Variants in TENM1 observed in about 807,000 individuals in gnomAD.
The protein encoded by TENM1 is teneurin-1.
In TENM1, 35 loss-of-function variants were observed where a neutral mutation model predicts 174.8. That is an observed-to-expected ratio of 0.20 (90% CI 0.15 to 0.27). The LOEUF (loss-of-function observed/expected upper bound fraction) is 0.27. TENM1 is among the 10% of genes least tolerant of loss of function. TENM1 has a pLI of 1.00. For missense variants in TENM1, 1,633 were observed against 2,130.1 expected, an observed-to-expected ratio of 0.77 and a Z score of 4.59; for synonymous variants, 781 against 798.7, an observed-to-expected ratio of 0.98 and a Z score of 0.37.
chrX:125,066,490 G>C, the TENM1 span, among the ~76,000 whole-genome samples: 1 of 111,242 alleles, frequency 9.0e-6, no homozygotes, highest in Non-Finnish European at 1.9e-5. Flanking sequence ...TGCAGTATTG[G>C]AAAGATCACT....
At chrX:124,798,860 T>G (rs1444996050) in intron 3 of TENM1, among the ~76,000 whole-genome samples, 2 of 112,172 alleles carry the variant, frequency 1.8e-5, no homozygotes, top group African/African-American at 6.5e-5. Flanking sequence ...TGAATTAATT[T>G]TTGTATAAGG....
chrX:124,758,427 C>T (rs1487937212), intron 3 of TENM1, among the ~76,000 whole-genome samples: 1 of 110,980 alleles, frequency 9.0e-6, no homozygotes, highest in Admixed American at 9.6e-5. Flanking sequence ...AATCTTTGTG[C>T]ACTGTCGGTG....
chrX:124,998,499 A>G, the TENM1 span, among the ~76,000 whole-genome samples: 1 of 110,765 alleles, frequency 9.0e-6, no homozygotes, highest in Non-Finnish European at 1.9e-5. Context: ...AACAATGATA[A>G]TAGTATTAAC....
rs372360122 is a variant in TENM1 at position 124,540,610 on chromosome X, A to G, written c.2651+6264T>C. 4.5e-5 allele frequency among the ~76,000 whole-genome samples: 5 copies of G among 111,749 alleles called. No individual in the cohort carries two copies. In the East Asian group the frequency reaches 1.1e-3, roughly 25 times the overall value. ...CCCAGCTCAACTGAGGGCAGAACGC[A>G]TGTTACATTAAACAAGTTATGATGA... On this transcript the variant is annotated intron_variant, in intron 15 of 31. Transcript: ENST00000422452.
intron 3 of TENM1, among the ~76,000 whole-genome samples, chrX:124,780,695 C>T (rs992220214): frequency 1.8e-5 from 2 of 111,287 alleles, no homozygotes; most frequent in Admixed American, 9.6e-5. Flanking sequence ...TAGATACACT[C>T]GCCAGGACTA....
intron 14 of TENM1, among the ~76,000 whole-genome samples, chrX:124,556,027 T>C (rs1338421812): frequency 8.9e-6 from 1 of 112,108 alleles, no homozygotes; most frequent in Non-Finnish European, 1.9e-5. Flanking sequence ...TTTAAATAAA[T>C]GGGATGAAGA....
At chrX:124,698,540 C>T (rs1317178437) in intron 5 of TENM1, among the ~76,000 whole-genome samples, 1 of 111,053 alleles carries the variant, frequency 9.0e-6, no homozygotes, top group African/African-American at 3.3e-5. Flanking sequence ...TTTACAAACC[C>T]ATCGTCCTGC....
chrX:124,504,569 C>T (rs941999781), intron 18 of TENM1, among the ~76,000 whole-genome samples: 1 of 111,629 alleles, frequency 9.0e-6, no homozygotes, highest in African/African-American at 3.3e-5. Flanking sequence ...TTTCTATCCT[C>T]ATAATGTTCT....
intron 22 of TENM1, among the ~76,000 whole-genome samples, chrX:124,471,327 A>G (rs1296507251): frequency 4.5e-5 from 1 of 22,356 alleles, no homozygotes; most frequent in Non-Finnish European, 7.5e-5. Context: ...ATATTATAAT[A>G]TATAGTACTA....
intron 11 of TENM1, among the ~76,000 whole-genome samples, chrX:124,576,066 CT>C (rs1165356971): frequency 4.7e-4 from 50 of 106,690 alleles, no homozygotes; most frequent in Non-Finnish European, 5.3e-4. Context: ...CAAATATTAA[CT>C]TTTTTTTTTT....
chrX:124,827,297 C>T (rs1467617693), intron 3 of TENM1, among the ~76,000 whole-genome samples: 2 of 111,856 alleles, frequency 1.8e-5, no homozygotes, highest in Non-Finnish European at 3.8e-5. Context: ...GATCTGCCCG[C>T]CTCGGCTTCC....
At chrX:124,612,427 A>T (rs1210559116) in intron 11 of TENM1, among the ~76,000 whole-genome samples, 1 of 111,437 alleles carries the variant, frequency 9.0e-6, no homozygotes, top group Admixed American at 9.6e-5. Flanking sequence ...TAGAATAAAA[A>T]TGTTGAAATC....
the TENM1 span, among the ~76,000 whole-genome samples, chrX:125,003,781 T>A: frequency 9.0e-6 from 1 of 111,663 alleles, no homozygotes; most frequent in African/African-American, 3.3e-5. Flanking sequence ...AAAACCAAGA[T>A]AATAAGACAT....
intron 3 of TENM1, among the ~76,000 whole-genome samples, chrX:124,774,504 T>A (rs1393169362): frequency 9.0e-6 from 1 of 111,202 alleles, no homozygotes; most frequent in Admixed American, 9.5e-5. Context: ...TAAGACTGAT[T>A]TAAAAATCTG....
the TENM1 span, among the ~76,000 whole-genome samples, chrX:125,114,867 C>A: frequency 9.0e-6 from 1 of 111,424 alleles, no homozygotes; most frequent in East Asian, 2.8e-4. Context: ...AGAAAAACAG[C>A]GACTTCTCCC....
chrX:124,723,603 G>GTTTTTTTTTTTTT (rs1198093791), intron 4 of TENM1, among the ~76,000 whole-genome samples: 7 of 74,924 alleles, frequency 9.3e-5, no homozygotes, highest in Non-Finnish European at 1.3e-4. Context: ...TTTTTTTTTT[G>GTTTTTTTTTTTTT]TTTTTTTTTT....
At chrX:124,659,632 G>A (rs2051540602) in intron 6 of TENM1, among the ~76,000 whole-genome samples, 1 of 110,813 alleles carries the variant, frequency 9.0e-6, no homozygotes, top group African/African-American at 3.3e-5. Context: ...ACAAGCTGAT[G>A]CTAAAATTAA....
the TENM1 span, among the ~76,000 whole-genome samples, chrX:125,019,727 C>T: frequency 9.0e-6 from 1 of 110,904 alleles, no homozygotes; most frequent in South Asian, 3.8e-4. Flanking sequence ...GCAAATTACT[C>T]GATCTCCCTG....
At chrX:124,377,574 C>T (rs2060116467) in exon 32 of TENM1, 2 of 111,439 alleles carry the variant, frequency 1.8e-5, no homozygotes, top group African/African-American at 6.5e-5. Flanking sequence ...ATTTGGATCT[C>T]TAGACTGTAG....
Sources: allele counts gnomAD v4.1 joint callset (sites outside exome capture counted in the v4.1 genomes callset), GRCh38; gene constraint gnomAD v4.1.1; transcripts MANE v1.5; gene names NCBI Gene and HGNC (gene_info 2026-07-23, HGNC 2026-07-21).